The following DLGAP2 variants were observed in gnomAD, a reference collection of about 807,000 sequenced individuals.
DLGAP2 encodes disks large-associated protein 2.
DLGAP2 carries 26 observed loss-of-function variants against 100.3 expected under a neutral mutation model. The ratio of observed to expected loss-of-function variants is 0.26; its 90% confidence interval spans 0.19 to 0.36. The LOEUF (loss-of-function observed/expected upper bound fraction) is 0.36, where lower values mean the gene tolerates loss of function less well. DLGAP2 is among the 10% of genes least tolerant of loss of function. DLGAP2 has a pLI of 1.00. For missense variants in DLGAP2, 1,858 were observed against 1,453.2 expected (o/e 1.28, Z -4.53); for synonymous variants, 886 against 630.1 (o/e 1.41, Z -6.08).
At chr8:1,362,451 C>T (rs559885015) in intron 3 of DLGAP2, among the ~76,000 whole-genome samples, 3 of 152,192 alleles carry the variant, frequency 2.0e-5, no homozygotes, top group South Asian at 2.1e-4. Context: ...TAAGGGCTGG[C>T]GTGGTCCATG....
At chr8:1,278,754 A>C (rs146048108) in intron 3 of DLGAP2, among the ~76,000 whole-genome samples, 171 of 152,336 alleles carry the variant, frequency 1.1e-3, no homozygotes, top group Non-Finnish European at 2.1e-3. Context: ...TTACATAATG[A>C]AGATCCCTTT....
At chr8:1,060,391 G>T (rs981774045) in intron 2 of DLGAP2, among the ~76,000 whole-genome samples, 1 of 81,980 alleles carries the variant, frequency 1.2e-5, no homozygotes, top group Non-Finnish European at 2.9e-5. Flanking sequence ...CCCTCTGGAG[G>T]CCCTGAGGGC....
intron 2 of DLGAP2, among the ~76,000 whole-genome samples, chr8:1,218,349 A>G (rs1423438663): frequency 6.6e-6 from 1 of 152,126 alleles, no homozygotes; most frequent in Non-Finnish European, 1.5e-5. Context: ...TAGCAAATCC[A>G]TTCTCCAGTT....
chr8:1,283,643 T>A (rs1294710707), intron 3 of DLGAP2, among the ~76,000 whole-genome samples: 1 of 152,216 alleles, frequency 6.6e-6, no homozygotes, highest in Admixed American at 6.5e-5. Flanking sequence ...CATTGAATAT[T>A]CAGCTTTCCT....
chr8:871,849 T>C (rs1054688781), intron 1 of DLGAP2, among the ~76,000 whole-genome samples: 2 of 152,212 alleles, frequency 1.3e-5, no homozygotes, highest in Non-Finnish European at 2.9e-5. Context: ...GCCCACCTAC[T>C]TGTTGGCATG....
intron 6 of DLGAP2, among the ~76,000 whole-genome samples, chr8:1,589,102 A>G (rs1377677741): frequency 1.3e-5 from 2 of 152,192 alleles, no homozygotes; most frequent in East Asian, 1.9e-4. Flanking sequence ...AGTAATCCCA[A>G]TGGTGGTTAT....
chr8:1,683,501 A>G (rs1027030547), intron 12 of DLGAP2, among the ~76,000 whole-genome samples: 1 of 151,296 alleles, frequency 6.6e-6, no homozygotes, highest in South Asian at 2.1e-4. Context: ...GAACTTGCCT[A>G]AAGCTCCGCA....
intron 3 of DLGAP2, among the ~76,000 whole-genome samples, chr8:1,377,203 T>A (rs1369398681): frequency 1.3e-5 from 2 of 152,006 alleles, no homozygotes; most frequent in African/African-American, 4.8e-5. Context: ...AGCTGTAGGG[T>A]TAGGGCAGCA....
intron 8 of DLGAP2, among the ~76,000 whole-genome samples, chr8:1,647,424 G>A (rs1332904267): frequency 7.2e-6 from 1 of 139,838 alleles, no homozygotes; most frequent in African/African-American, 2.6e-5. Flanking sequence ...GGGAGGCAGA[G>A]CTTGCAGTGA....
At chr8:1,273,437 T>G (rs1043090448) in intron 3 of DLGAP2, among the ~76,000 whole-genome samples, 2 of 152,180 alleles carry the variant, frequency 1.3e-5, no homozygotes, top group African/African-American at 4.8e-5. Context: ...AGGGGGTCAA[T>G]GTGCCTTTAT....
chr8:1,141,537 C>T (rs1326649386), intron 2 of DLGAP2, among the ~76,000 whole-genome samples: 2 of 152,052 alleles, frequency 1.3e-5, no homozygotes, highest in Admixed American at 1.3e-4. Flanking sequence ...TAGGATCTTT[C>T]TTATATTATT....
intron 3 of DLGAP2, among the ~76,000 whole-genome samples, chr8:1,291,000 A>G (rs960595552): frequency 1.3e-5 from 2 of 152,188 alleles, no homozygotes; most frequent in Non-Finnish European, 2.9e-5. Flanking sequence ...CCAGCCCTAC[A>G]AGTAATACTA....
intron 3 of DLGAP2, among the ~76,000 whole-genome samples, chr8:1,317,098 A>G (rs187788440): frequency 5.1e-5 from 7 of 137,622 alleles, no homozygotes; most frequent in African/African-American, 1.7e-4. Flanking sequence ...GCAGCGTTTA[A>G]AAATAGAGCC....
intron 1 of DLGAP2, among the ~76,000 whole-genome samples, chr8:899,012 C>T (rs10109669): frequency 0.22 from 33,781 of 152,182 alleles, 4,253 homozygotes; most frequent in Non-Finnish European, 0.28. Flanking sequence ...TAACAAGCCC[C>T]CCAGGCGGTT....
At chr8:902,994 G>A (rs1299850186) in intron 1 of DLGAP2, among the ~76,000 whole-genome samples, 1 of 95,728 alleles carries the variant, frequency 1.0e-5, no homozygotes, top group Non-Finnish European at 2.1e-5. Flanking sequence ...GCGGGGGGGC[G>A]GAAAGTGTGT....
At chr8:1,330,313 C>G (rs1255383849) in intron 3 of DLGAP2, among the ~76,000 whole-genome samples, 6 of 142,106 alleles carry the variant, frequency 4.2e-5, no homozygotes, top group Non-Finnish European at 6.0e-5. Context: ...TTCACAGGGA[C>G]TGAGTTCTGG....
At chr8:1,164,846 C>T (rs1204120092) in intron 2 of DLGAP2, among the ~76,000 whole-genome samples, 7 of 152,068 alleles carry the variant, frequency 4.6e-5, no homozygotes, top group African/African-American at 1.7e-4. Flanking sequence ...CCTTTGTCAG[C>T]GTTGCTGAGA....
At chr8:1,696,365 T>G (rs1183755797) in intron 13 of DLGAP2, among the ~76,000 whole-genome samples, 1 of 152,122 alleles carries the variant, frequency 6.6e-6, no homozygotes, top group African/African-American at 2.4e-5. Context: ...CTGGGTGTAG[T>G]GACCTATGCC....
In DLGAP2 at chr8:1,701,388, G is replaced by C; in HGVS notation, c.3150G>C (p.Glu1050Asp). 2 of 1,594,848 alleles carry C rather than the reference G, an allele frequency of 1.3e-6. No individual in the cohort carries two copies. The highest frequency in any genetic ancestry group is 1.7e-6 in the Non-Finnish European group (2 of 1,171,640). The change falls in exon 15 of 15, where the codon GAG (glutamate) becomes GAC (aspartate). Residue 1050 changes from glutamate (E) to aspartate (D), a missense_variant. Physicochemically the swap from Glu to Asp is conservative, Grantham distance 45 (BLOSUM62 2). Coordinates refer to ENST00000637795, the MANE Select transcript of DLGAP2 (RefSeq NM_001346810.2). ...ACAGCATCGAGATCTACATCCCCGA[G>C]GCCCAGACCCGGCTCTGAGGGCGGA... is the stretch of plus-strand genomic sequence containing the variant. ...RADSIEIYIP[E>D]AQTRL
Sources: gnomAD v4.1 joint callset for allele counts (sites outside exome capture counted in the v4.1 genomes callset) on GRCh38, gnomAD v4.1.1 for gene constraint, MANE v1.5 for transcripts, NCBI Gene and HGNC (gene_info 2026-07-23, HGNC 2026-07-21) for gene names.